The following FAR2 variants were observed in gnomAD, a reference collection of about 807,000 sequenced individuals.
The protein encoded by FAR2 is epididymis secretory protein Li 81.
Under a neutral mutation model 56.0 loss-of-function variants are expected in FAR2, and 19 were observed. The observed-to-expected ratio is 0.34, with a 90% CI of 0.24 to 0.50. FAR2 has a LOEUF of 0.50. Ranked by LOEUF, FAR2 falls within the 20% of genes least tolerant of loss-of-function variation. The pLI, the probability that FAR2 is intolerant of heterozygous loss-of-function variation, is 0.98. For missense variants in FAR2, 508 were observed against 642.2 expected, an observed-to-expected ratio of 0.79 and a Z score of 2.26; for synonymous variants, 219 against 218.8, an observed-to-expected ratio of 1.00 and a Z score of -0.01.
At chr12:29,333,498 C>T in intron 11 of FAR2, 134 bp from the exon 12 acceptor site, 1 of 778,676 alleles carries the variant, frequency 1.3e-6, no homozygotes, top group Non-Finnish European at 2.0e-6. Flanking sequence ...AACCAATTGG[C>T]CAAGTTATAT....
At chr12:29,287,516 C>G (rs1231576275) in intron 2 of FAR2, among the ~76,000 whole-genome samples, 8 of 152,192 alleles carry the variant, frequency 5.3e-5, no homozygotes, top group Middle Eastern at 6.8e-3. Flanking sequence ...ACTCAGCACT[C>G]TAAAAATTCT....
At chr12:29,303,728 G>A (rs934117736) in intron 4 of FAR2, among the ~76,000 whole-genome samples, 10 of 152,190 alleles carry the variant, frequency 6.6e-5, no homozygotes, top group African/African-American at 2.2e-4. Flanking sequence ...CTAGGGGAAC[G>A]GTGAAAGCTG....
intron 2 of FAR2, chr12:29,291,576 GA>G (rs1948968578): frequency 2.4e-5 from 10 of 414,266 alleles, no homozygotes; most frequent in South Asian, 1.8e-4. Context: ...GTGAAATACA[GA>G]TTCCTGGGTG....
At chr12:29,323,205 C>T (rs919026878) in intron 10 of FAR2, among the ~76,000 whole-genome samples, 2 of 152,220 alleles carry the variant, frequency 1.3e-5, no homozygotes, top group Admixed American at 6.5e-5. Flanking sequence ...GGGGGAGGCA[C>T]GCCCGCCATT....
At chr12:29,217,587 C>T (rs184164895) in intron 1 of FAR2, among the ~76,000 whole-genome samples, 37 of 152,318 alleles carry the variant, frequency 2.4e-4, no homozygotes, top group Admixed American at 8.5e-4. Flanking sequence ...TATTCAAAAT[C>T]AGATGTGAGC....
rs375138626 is a variant in FAR2 at position 29,255,827 on chromosome 12, GTAT to G, written c.-38-14579_-38-14577del. Among the ~76,000 whole-genome samples, 1,048 of 152,038 alleles carry G rather than the reference GTAT, an allele frequency of 6.9e-3. 16 individuals are homozygous for G. Among genetic ancestry groups the G allele is most frequent in the African/African-American group, 0.024 (993 of 41,486 alleles). On this transcript the variant is annotated intron_variant, in intron 1 of 11. Coordinates refer to ENST00000536681, the MANE Select transcript of FAR2 (RefSeq NM_001271783.2). The stretch of plus-strand genomic sequence containing the variant: ...TTCTAAGAAATTCTTTTTAAAGTAA[GTAT>G]TATTAAATTGCCTTTTCAGTTTATC...
chr12:29,217,698 T>A (rs1461124055), intron 1 of FAR2, among the ~76,000 whole-genome samples: 1 of 152,170 alleles, frequency 6.6e-6, no homozygotes, highest in Non-Finnish European at 1.5e-5. Context: ...GAAAACAGTA[T>A]GCCTCTCTGG....
intron 1 of FAR2, chr12:29,156,438 C>T (rs1018080410): frequency 1.3e-5 from 2 of 152,086 alleles, no homozygotes; most frequent in African/African-American, 4.8e-5. Context: ...AGAAGACAGT[C>T]GCAAAGGTGA....
intron 1 of FAR2, among the ~76,000 whole-genome samples, chr12:29,250,511 C>T (rs1376680558): frequency 6.6e-6 from 1 of 152,136 alleles, no homozygotes; most frequent in Admixed American, 6.5e-5. Flanking sequence ...CTTATCATTA[C>T]ACCTATCTTA....
At chr12:29,242,510 T>G (rs1396987116) in intron 1 of FAR2, among the ~76,000 whole-genome samples, 1 of 152,194 alleles carries the variant, frequency 6.6e-6, no homozygotes, top group Non-Finnish European at 1.5e-5. Flanking sequence ...GAGAACTGTT[T>G]CCCCAGGAGC....
intron 1 of FAR2, among the ~76,000 whole-genome samples, chr12:29,168,814 G>A (rs1423167760): frequency 8.5e-5 from 13 of 152,228 alleles, no homozygotes; most frequent in Middle Eastern, 3.2e-3. Flanking sequence ...CTTTCACAGC[G>A]TGGAAGGGGA....
intron 1 of FAR2, among the ~76,000 whole-genome samples, chr12:29,160,604 C>T (rs929808729): frequency 5.3e-5 from 8 of 152,122 alleles, no homozygotes; most frequent in East Asian, 1.9e-4. Context: ...ACAAACTGGG[C>T]GGCTTAACCA....
intron 1 of FAR2, among the ~76,000 whole-genome samples, chr12:29,192,665 C>T (rs780491058): frequency 1.1e-4 from 17 of 152,096 alleles, no homozygotes; most frequent in Non-Finnish European, 2.2e-4. Context: ...TATATATAAA[C>T]ATATGACAAG....
chr12:29,235,867 C>G (rs1947933547), intron 1 of FAR2, among the ~76,000 whole-genome samples: 1 of 152,116 alleles, frequency 6.6e-6, no homozygotes, highest in African/African-American at 2.4e-5. Context: ...TTTCAGTAAA[C>G]TCTAGGTTGA....
chr12:29,316,597 A>G (rs1000867050), intron 8 of FAR2, among the ~76,000 whole-genome samples: 2 of 152,158 alleles, frequency 1.3e-5, no homozygotes, highest in Non-Finnish European at 2.9e-5. Context: ...TGTTTCCCCA[A>G]TAGTTTGTTT....
intron 10 of FAR2, among the ~76,000 whole-genome samples, chr12:29,325,424 C>T (rs1415819891): frequency 1.3e-5 from 2 of 152,180 alleles, no homozygotes; most frequent in African/African-American, 4.8e-5. Flanking sequence ...CAGAACTCTC[C>T]ACCCCAAATC....
chr12:29,276,521 G>C (rs572252120), intron 2 of FAR2, among the ~76,000 whole-genome samples: 7 of 152,126 alleles, frequency 4.6e-5, no homozygotes, highest in Admixed American at 4.6e-4. Flanking sequence ...TCTGATACCT[G>C]TAAAGAGATT....
chr12:29,182,860 A>G (rs779336074), intron 1 of FAR2, among the ~76,000 whole-genome samples: 1 of 151,726 alleles, frequency 6.6e-6, no homozygotes, highest in Non-Finnish European at 1.5e-5. Context: ...TCCCATTCAC[A>G]CCTATTCCTT....
At chr12:29,206,940 C>A (rs1442829964) in intron 1 of FAR2, among the ~76,000 whole-genome samples, 1 of 151,928 alleles carries the variant, frequency 6.6e-6, no homozygotes, top group East Asian at 1.9e-4. Context: ...ATGCCACCAG[C>A]CGGGCACAGA....
Sources: gnomAD v4.1 joint callset for allele counts (sites outside exome capture counted in the v4.1 genomes callset) on GRCh38, gnomAD v4.1.1 for gene constraint, MANE v1.5 for transcripts, NCBI Gene and HGNC (gene_info 2026-07-23, HGNC 2026-07-21) for gene names.